ATP8A2: variants seen among roughly 807,000 people sequenced by gnomAD.
The protein encoded by ATP8A2 is ATPase phospholipid transporting 8A2.
In ATP8A2, 100 loss-of-function variants were observed where a neutral mutation model predicts 165.6. The observed-to-expected ratio is 0.60, with a 90% CI of 0.51 to 0.71. ATP8A2 has a LOEUF of 0.71. Ranked by LOEUF, ATP8A2 falls within the 30% of genes least tolerant of loss-of-function variation. The probability of loss-of-function intolerance (pLI) is 0.00; values close to 1 mark genes in which losing one functional copy is unlikely to be tolerated. For missense variants in ATP8A2, 1,227 were observed against 1,479.5 expected, an observed-to-expected ratio of 0.83 and a Z score of 2.80; for synonymous variants, 543 against 548.8, an observed-to-expected ratio of 0.99 and a Z score of 0.15.
At chr13:25,590,085 A>C (rs957837358) in intron 24 of ATP8A2, among the ~76,000 whole-genome samples, 1 of 152,242 alleles carries the variant, frequency 6.6e-6, no homozygotes, top group Non-Finnish European at 1.5e-5. Flanking sequence ...TTTCTAGCAC[A>C]AACTTTAGAA....
intron 24 of ATP8A2, among the ~76,000 whole-genome samples, chr13:25,693,797 C>A (rs993471577): frequency 6.6e-6 from 1 of 152,170 alleles, no homozygotes; most frequent in South Asian, 2.1e-4. Context: ...TCAAGTGATT[C>A]TCCCACCTCA....
intron 33 of ATP8A2, among the ~76,000 whole-genome samples, chr13:25,903,319 T>C (rs1953823199): frequency 6.6e-6 from 1 of 152,154 alleles, no homozygotes; most frequent in South Asian, 2.1e-4. Context: ...TCCTTCCTGC[T>C]GCCCCTCCAC....
intron 25 of ATP8A2, among the ~76,000 whole-genome samples, chr13:25,738,160 C>G (rs551512205): frequency 6.6e-6 from 1 of 152,268 alleles, no homozygotes; most frequent in South Asian, 2.1e-4. Flanking sequence ...TTTTAGAGTG[C>G]AAGATGCTGT....
At chr13:25,434,098 G>A (rs1424735754) in intron 1 of ATP8A2, among the ~76,000 whole-genome samples, 2 of 151,860 alleles carry the variant, frequency 1.3e-5, no homozygotes, top group East Asian at 3.9e-4. Flanking sequence ...ACAAGCACAT[G>A]TACCCCCGAA....
intron 1 of ATP8A2, among the ~76,000 whole-genome samples, chr13:25,445,913 G>C (rs2035055170): frequency 6.6e-6 from 1 of 152,154 alleles, no homozygotes; most frequent in African/African-American, 2.4e-5. Context: ...CTCCTTCCCA[G>C]CGCTACTACT....
chr13:25,403,395 T>A (rs962189198), intron 1 of ATP8A2, among the ~76,000 whole-genome samples: 32 of 152,186 alleles, frequency 2.1e-4, no homozygotes, highest in Non-Finnish European at 8.8e-5. Flanking sequence ...GGAAAATGGT[T>A]GTTCCCAGGC....
At position 25,953,276 on chromosome 13, in the gene ATP8A2, C is replaced by T. The variant is rs1322410121; in HGVS notation, c.3184-8299C>T. 6.6e-6 allele frequency among the ~76,000 whole-genome samples: 1 copy of T among 151,960 alleles called. No individual in the cohort carries two copies. Among genetic ancestry groups the T allele is most frequent in the Non-Finnish European group, 1.5e-5 (1 of 68,012 alleles). The stretch of plus-strand genomic sequence containing the variant: ...GCCAACCAGCATCTTGAGGACTCAA[C>T]TCTCTGGCTGCAGGTGCTGTGGGGA... On this transcript the variant is annotated intron_variant, in intron 33 of 36. Coordinates refer to ENST00000381655, the MANE Select transcript of ATP8A2 (RefSeq NM_016529.6). This position sits in a 1 kb window ranked among gnomAD's most constrained non-coding sequence, Gnocchi z 6.7.
chr13:25,508,368 C>T (rs985710628), intron 2 of ATP8A2, among the ~76,000 whole-genome samples: 3 of 152,266 alleles, frequency 2.0e-5, no homozygotes, highest in African/African-American at 4.8e-5. Flanking sequence ...TATTCATGGA[C>T]ATATGAACAT....
At chr13:25,882,485 G>C (rs1179970602) in intron 33 of ATP8A2, among the ~76,000 whole-genome samples, 2 of 152,114 alleles carry the variant, frequency 1.3e-5, no homozygotes, top group African/African-American at 2.4e-5. Context: ...AAAAGACTAA[G>C]TTCGTGAGAA....
intron 27 of ATP8A2, among the ~76,000 whole-genome samples, chr13:25,780,290 C>A (rs1237826563): frequency 6.6e-6 from 1 of 151,986 alleles, no homozygotes; most frequent in Non-Finnish European, 1.5e-5. Flanking sequence ...CAAAGAATAA[C>A]CATAACATAT....
At chr13:25,654,706 AC>A (rs1414915098) in intron 24 of ATP8A2, among the ~76,000 whole-genome samples, 2 of 152,126 alleles carry the variant, frequency 1.3e-5, no homozygotes, top group African/African-American at 4.8e-5. Flanking sequence ...GTAGATATAG[AC>A]ATAGAAGGTC....
intron 25 of ATP8A2, among the ~76,000 whole-genome samples, chr13:25,714,345 C>T (rs1353256604): frequency 1.3e-5 from 2 of 152,150 alleles, no homozygotes; most frequent in East Asian, 3.9e-4. Context: ...GGCAAACTCA[C>T]CTGATTCAGG....
chr13:25,654,590 A>G (rs1358490394), intron 24 of ATP8A2, among the ~76,000 whole-genome samples: 1 of 152,174 alleles, frequency 6.6e-6, no homozygotes, highest in African/African-American at 2.4e-5. Flanking sequence ...TACAGGACAT[A>G]AAATATGGGA....
intron 24 of ATP8A2, among the ~76,000 whole-genome samples, chr13:25,618,307 G>A (rs1046163969): frequency 6.6e-6 from 1 of 152,146 alleles, no homozygotes; most frequent in Admixed American, 6.6e-5. Context: ...TGAGTAGGAG[G>A]ACCTGAGGAA....
chr13:25,898,540 C>G (rs1953637531), intron 33 of ATP8A2, among the ~76,000 whole-genome samples: 1 of 152,246 alleles, frequency 6.6e-6, no homozygotes, highest in Admixed American at 6.5e-5. Flanking sequence ...AGAACCACTC[C>G]TCTCTTCAAA....
intron 33 of ATP8A2, among the ~76,000 whole-genome samples, chr13:25,924,429 G>A (rs1293737700): frequency 6.6e-6 from 1 of 152,094 alleles, no homozygotes; most frequent in African/African-American, 2.4e-5. Flanking sequence ...TTGGCTTATA[G>A]AAGCATCACC....
chr13:25,503,143 G>A (rs1239916066), intron 2 of ATP8A2, among the ~76,000 whole-genome samples: 1 of 152,138 alleles, frequency 6.6e-6, no homozygotes, highest in Non-Finnish European at 1.5e-5. Flanking sequence ...GCTGCCACCT[G>A]GCTTCACTCC....
chr13:25,938,576 G>A (rs1954981241), intron 33 of ATP8A2, among the ~76,000 whole-genome samples: 1 of 150,704 alleles, frequency 6.6e-6, no homozygotes, highest in South Asian at 2.1e-4. Context: ...GTTGTAAAGG[G>A]AACAAAGGTG....
intron 35 of ATP8A2, among the ~76,000 whole-genome samples, chr13:26,003,198 C>CT (rs539506943): frequency 2.2e-3 from 314 of 139,680 alleles, no homozygotes; most frequent in South Asian, 8.9e-3. Flanking sequence ...TGTTAGCTTT[C>CT]TTTTTTTTTT....
Sources: gnomAD v4.1 joint callset for allele counts (sites outside exome capture counted in the v4.1 genomes callset) on GRCh38, gnomAD v4.1.1 for gene constraint, Gnocchi (gnomAD v3.1) non-coding constraint, MANE v1.5 for transcripts, NCBI Gene and HGNC (gene_info 2026-07-23, HGNC 2026-07-21) for gene names.